Variants in NCOA2 observed in about 807,000 individuals in gnomAD.
NCOA2 encodes class E basic helix-loop-helix protein 75.
In NCOA2, 21 loss-of-function variants were observed where a neutral mutation model predicts 145.1. That is an observed-to-expected ratio of 0.14 (90% CI 0.10 to 0.21). NCOA2 has a LOEUF of 0.21. Ranked by LOEUF, NCOA2 falls within the 10% of genes least tolerant of loss-of-function variation. The probability of loss-of-function intolerance (pLI) is 1.00; values close to 1 mark genes in which losing one functional copy is unlikely to be tolerated. For missense variants in NCOA2, 1,472 were observed against 1,837.6 expected (o/e 0.80, Z 3.64); for synonymous variants, 619 against 637.5 (o/e 0.97, Z 0.44).
At chr8:70,205,703 G>T (rs1158078051) in intron 4 of NCOA2, among the ~76,000 whole-genome samples, 2 of 152,130 alleles carry the variant, frequency 1.3e-5, no homozygotes, top group African/African-American at 4.8e-5. Context: ...AGATGCAAGT[G>T]CAAAGGAGGT....
At chr8:70,345,330 A>G (rs901064337) in intron 1 of NCOA2, among the ~76,000 whole-genome samples, 2 of 152,234 alleles carry the variant, frequency 1.3e-5, no homozygotes, top group Non-Finnish European at 2.9e-5. Context: ...TCAGCCAGAT[A>G]AAAGTTCAAA....
At chr8:70,316,962 G>C (rs770073352) in intron 1 of NCOA2, among the ~76,000 whole-genome samples, 3 of 152,132 alleles carry the variant, frequency 2.0e-5, no homozygotes, top group Non-Finnish European at 4.4e-5. Context: ...TCGGAAGGTT[G>C]TAAGTTCCTC....
chr8:70,291,563 T>C (rs535645632), intron 2 of NCOA2, among the ~76,000 whole-genome samples: 2 of 152,292 alleles, frequency 1.3e-5, no homozygotes, highest in East Asian at 3.9e-4. Context: ...TCCAACATCA[T>C]TCTACTTGTC....
intron 13 of NCOA2, 148 bp downstream of exon 13, chr8:70,144,494 A>C: frequency 1.5e-6 from 1 of 681,930 alleles, no homozygotes; most frequent in South Asian, 1.9e-5. Context: ...CCATTCTCAC[A>C]GTGAAAATCT....
chr8:70,172,266 A>G (rs1814340095), intron 5 of NCOA2, among the ~76,000 whole-genome samples: 1 of 152,196 alleles, frequency 6.6e-6, no homozygotes. Flanking sequence ...CAGCAAGTTT[A>G]TTACTATTTT....
chr8:70,368,304 C>G (rs1364475314), intron 1 of NCOA2, among the ~76,000 whole-genome samples: 1 of 152,184 alleles, frequency 6.6e-6, no homozygotes, highest in African/African-American at 2.4e-5. Context: ...TAGGGAAATA[C>G]TTGGAGATGG....
chr8:70,125,327 T>C (rs536412885), intron 19 of NCOA2, among the ~76,000 whole-genome samples: 4 of 152,278 alleles, frequency 2.6e-5, no homozygotes, highest in African/African-American at 4.8e-5. Context: ...AGTGGCGTGA[T>C]CATAGTTCAC....
At chr8:70,434,283 G>T in the NCOA2 span, among the ~76,000 whole-genome samples, 1 of 152,168 alleles carries the variant, frequency 6.6e-6, no homozygotes, top group African/African-American at 2.4e-5. Flanking sequence ...AAAGTTTTAA[G>T]AAAACTTCAA....
intron 1 of NCOA2, chr8:70,402,540 G>A (rs1211955799): frequency 6.6e-6 from 1 of 152,216 alleles, no homozygotes; most frequent in Admixed American, 6.5e-5. Context: ...CTCCCCCGAG[G>A]GGAGGAGGCG....
chr8:70,210,646 C>G (rs1269234127), intron 4 of NCOA2, among the ~76,000 whole-genome samples: 1 of 152,190 alleles, frequency 6.6e-6, no homozygotes, highest in Non-Finnish European at 1.5e-5. Context: ...TTTCTTCTCT[C>G]CCTTTATTTA....
intron 4 of NCOA2, among the ~76,000 whole-genome samples, chr8:70,207,983 G>A (rs1818637724): frequency 6.6e-6 from 1 of 151,980 alleles, no homozygotes; most frequent in African/African-American, 2.4e-5. Flanking sequence ...TGGACGTGGT[G>A]ACTCATGCCT....
chr8:70,222,307 T>C (rs546356314), intron 2 of NCOA2, among the ~76,000 whole-genome samples: 7 of 152,310 alleles, frequency 4.6e-5, no homozygotes, highest in Middle Eastern at 3.4e-3. Context: ...GATTTTTCAA[T>C]ACTAAAACAC....
intron 4 of NCOA2, among the ~76,000 whole-genome samples, chr8:70,212,064 CGCATATATATAT>C (rs1208355805): frequency 1.7e-4 from 13 of 77,922 alleles, no homozygotes; most frequent in Admixed American, 6.8e-4. Flanking sequence ...TTCTTTGTGG[CGCATATATATAT>C]ATATATATAT....
chr8:70,376,369 GCACA>G (rs146722946), intron 1 of NCOA2, among the ~76,000 whole-genome samples: 25 of 147,306 alleles, frequency 1.7e-4, no homozygotes, highest in South Asian at 1.1e-3. Flanking sequence ...ACACACACAC[GCACA>G]CACACACACA....
At chr8:70,433,214 G>T in the NCOA2 span, among the ~76,000 whole-genome samples, 1 of 152,106 alleles carries the variant, frequency 6.6e-6, no homozygotes, top group Non-Finnish European at 1.5e-5. Context: ...GAACATGCAA[G>T]TCTGTAGAAT....
chr8:70,144,712 T>C lies in NCOA2; in HGVS notation c.2742A>G (p.Ile914Met), dbSNP rs1316053322. Residue 914 changes from isoleucine (I) to methionine (M), a missense_variant, in exon 13 of 23, where the codon ATA (isoleucine) becomes ATG (methionine). By Grantham distance (10) the Ile-to-Met change is conservative. This residue lies in a region of NCOA2 where 953 missense variants were observed against 1,062.1 expected (regional missense o/e 0.90). Coordinates refer to ENST00000452400, the MANE Select transcript of NCOA2 (RefSeq NM_006540.4). ...PIRNSSPYSV[I>M]PQPGMMGNQG... is the part of the protein sequence containing the mutation. ...GATTACCCATCATTCCTGGCTGAGG[T>C]ATCACTGAGTAGGGACTACTGTTTC... 1.2e-6 allele frequency: 2 copies of C among 1,613,976 alleles called. No homozygotes were observed. The highest frequency in any genetic ancestry group is 2.2e-5 in the South Asian group (2 of 91,078).
At chr8:70,454,904 T>C in the NCOA2 span, among the ~76,000 whole-genome samples, 1 of 152,212 alleles carries the variant, frequency 6.6e-6, no homozygotes, top group Non-Finnish European at 1.5e-5. Context: ...TCAAAACCAA[T>C]ATCCTGCTTA....
At chr8:70,305,453 G>C (rs1827815018) in intron 1 of NCOA2, among the ~76,000 whole-genome samples, 1 of 152,080 alleles carries the variant, frequency 6.6e-6, no homozygotes, top group South Asian at 2.1e-4. Flanking sequence ...CATGTACGAG[G>C]GCAAGAGAGG....
Position 70,314,654 on chromosome 8 carries a change from T to C in NCOA2, c.-76-17854A>G, listed in dbSNP as rs980357030. 2.6e-5 allele frequency among the ~76,000 whole-genome samples: 4 copies of C among 152,316 alleles called. 1 individual carries two copies. In the South Asian group the frequency reaches 8.3e-4, roughly 32 times the overall value. On this transcript the variant is annotated intron_variant, in intron 1 of 22. Coordinates refer to ENST00000452400, the MANE Select transcript of NCOA2 (RefSeq NM_006540.4). ...GCATTCATTTCCTAAATGTAAAATA[T>C]AATTTAAAAAATAATGAAAAGGATT...
Sources: allele counts gnomAD v4.1 joint callset (sites outside exome capture counted in the v4.1 genomes callset), GRCh38; gene constraint gnomAD v4.1.1; regional missense constraint gnomAD v4.1.1; transcripts MANE v1.5; gene names NCBI Gene and HGNC (gene_info 2026-07-23, HGNC 2026-07-21).